The following GLYATL1 variants were observed in gnomAD, a reference collection of about 807,000 sequenced individuals.
GLYATL1 encodes the protein glycine-N-acyltransferase like 1.
In GLYATL1, 15 loss-of-function variants were observed where a neutral mutation model predicts 20.0. The ratio of observed to expected loss-of-function variants is 0.75; its 90% CI spans 0.50 to 1.15. The LOEUF (loss-of-function observed/expected upper bound fraction) is 1.15. GLYATL1 is among the 50% of genes most tolerant of loss of function. The pLI is 0.00. For missense variants in GLYATL1, 380 were observed against 368.5 expected (o/e 1.03, Z -0.26); for synonymous variants, 151 against 131.5 (o/e 1.15, Z -1.01).
intron 4 of GLYATL1, among the ~76,000 whole-genome samples, chr11:58,950,246 C>G (rs908866343): frequency 1.3e-5 from 2 of 151,454 alleles, no homozygotes; most frequent in African/African-American, 4.8e-5. Flanking sequence ...AGCTGAGATC[C>G]CGCCGCTGCA....
chr11:58,913,127 C>A (rs1855090577), downstream of GLYATL1, among the ~76,000 whole-genome samples: 1 of 151,808 alleles, frequency 6.6e-6, no homozygotes, highest in South Asian at 2.1e-4. Flanking sequence ...GGAGATGGGG[C>A]AGAGGGAGGG....
intron 1 of GLYATL1, among the ~76,000 whole-genome samples, chr11:58,919,672 G>A (rs1855261594): frequency 6.6e-6 from 1 of 152,162 alleles, no homozygotes; most frequent in Non-Finnish European, 1.5e-5. Context: ...ATAGCCTCCT[G>A]CCTGAAGCAG....
chr11:58,939,170 T>C (rs1855973263), upstream of GLYATL1, among the ~76,000 whole-genome samples: 1 of 152,200 alleles, frequency 6.6e-6, no homozygotes, highest in African/African-American at 2.4e-5. Context: ...GAATTGAAAC[T>C]CACCAGATGA....
intron 2 of GLYATL1, among the ~76,000 whole-genome samples, chr11:58,945,372 C>T (rs1260463647): frequency 6.6e-6 from 1 of 151,936 alleles, no homozygotes; most frequent in Non-Finnish European, 1.5e-5. Context: ...GAAGCTGAGG[C>T]CAGGGTGGGG....
intron 1 of GLYATL1, among the ~76,000 whole-genome samples, chr11:58,940,531 TAA>T (rs550576105): frequency 7.5e-4 from 115 of 152,330 alleles, no homozygotes; most frequent in Middle Eastern, 6.8e-3. Context: ...GGATTATAAA[TAA>T]AAGAGTGCTC....
rs767783070 is a variant in GLYATL1, at chr11:58,955,603, T to C, written c.492-7T>C. ...AAAGTTGTTGTCTTTCTTTTTGTTG[T>C]CTACAGTGAAACTCCCAACTTTAAG... On this transcript the variant is annotated splice_polypyrimidine_tract_variant and splice_region_variant and intron_variant, in intron 6 of 6. Transcript: ENST00000532726. The C allele has an allele frequency of 1.2e-6, 2 of 1,611,540 alleles. No homozygotes were observed. The highest frequency in any genetic ancestry group is 2.2e-5 in the South Asian group (2 of 90,980).
At chr11:58,925,412 G>A (rs188131726), upstream of GLYATL1, among the ~76,000 whole-genome samples, 7 of 152,244 alleles carry the variant, frequency 4.6e-5, no homozygotes, top group African/African-American at 1.4e-4. Flanking sequence ...TTTTTGACAT[G>A]CCTTAACTTT....
intron 2 of GLYATL1, 55 bp from the exon 3 acceptor site, chr11:58,946,991 C>T: frequency 7.8e-7 from 1 of 1,274,414 alleles, no homozygotes; most frequent in Non-Finnish European, 1.1e-6. Context: ...GTATAAAGTG[C>T]ATTTTAAATT....
downstream of GLYATL1, among the ~76,000 whole-genome samples, chr11:58,911,202 C>T (rs1009316546): frequency 4.6e-5 from 7 of 152,258 alleles, no homozygotes; most frequent in African/African-American, 1.7e-4. Flanking sequence ...GTGAATGTAT[C>T]AAAATCTGTT....
chr11:58,947,495 C>T (rs1370781150), intron 3 of GLYATL1: 3 of 457,374 alleles, frequency 6.6e-6, no homozygotes, highest in Non-Finnish European at 1.2e-5. Context: ...TTCCCTTTCT[C>T]TGACTTTACG....
chr11:58,956,002 A>T lies in GLYATL1; in HGVS notation c.884A>T (p.Tyr295Phe). 6.2e-7 allele frequency: 1 copy of T among 1,612,126 alleles called. No individual in the cohort carries two copies. Among genetic ancestry groups the T allele is most frequent in the Non-Finnish European group, 8.5e-7 (1 of 1,178,298 alleles). Reference sequence around the variant, plus strand: ...TGTGAGTGGCACCAATGGACTTGCTACCCACAGAATCTAGTTCCATTTTAG... The same window carrying T: ...TGTGAGTGGCACCAATGGACTTGCTTCCCACAGAATCTAGTTCCATTTTAG... The part of the protein sequence containing the change: ...ASCEWHQWTC[Y>F]PQNLVPF The change falls in exon 7 of 7, where the codon TAC becomes TTC. Residue 295 changes from tyrosine to phenylalanine, a missense_variant. Coordinates refer to ENST00000532726, the MANE Select transcript of GLYATL1 (RefSeq NM_001389712.2).
At chr11:58,915,632 C>T (rs980406980) in intron 1 of GLYATL1, among the ~76,000 whole-genome samples, 12 of 152,308 alleles carry the variant, frequency 7.9e-5, no homozygotes, top group South Asian at 2.1e-4. Context: ...GGTTAGGGCT[C>T]AGCAATCTGT....
chr11:58,907,504 A>G (rs1465192393), exon 2 of GLYATL1: 1 of 395,848 alleles, frequency 2.5e-6, no homozygotes, highest in African/African-American at 2.1e-5. Context: ...TTTTGTTTTC[A>G]GGCTAGGGGA....
At chr11:58,915,926 T>TAA (rs10674914) in intron 1 of GLYATL1, among the ~76,000 whole-genome samples, 72,624 of 151,764 alleles carry the variant, frequency 0.48, 17,426 homozygotes, top group East Asian at 0.58. Context: ...AAACGAAACT[T>TAA]GTTAAGTTGC....
upstream of GLYATL1, among the ~76,000 whole-genome samples, chr11:58,938,290 C>G (rs1327371752): frequency 6.6e-6 from 1 of 152,110 alleles, no homozygotes; most frequent in Non-Finnish European, 1.5e-5. Context: ...TGGGGCCATG[C>G]CTAAATGGTA....
chr11:58,930,099 TA>T (rs199765691), intron 1 of GLYATL1, among the ~76,000 whole-genome samples: 2,172 of 134,566 alleles, frequency 0.016, 46 homozygotes, highest in African/African-American at 0.051. Flanking sequence ...GATGCTGCTT[TA>T]AAAAAAAATT....
At chr11:58,942,129 A>G (rs1442792360) in intron 1 of GLYATL1, among the ~76,000 whole-genome samples, 1 of 152,212 alleles carries the variant, frequency 6.6e-6, no homozygotes, top group Non-Finnish European at 1.5e-5. Flanking sequence ...CCTACAGAGG[A>G]AATACAGAAA....
chr11:58,954,226 T>A (rs1037292121), intron 4 of GLYATL1, among the ~76,000 whole-genome samples: 1 of 152,172 alleles, frequency 6.6e-6, no homozygotes. Flanking sequence ...GAAATCACAG[T>A]TAAATTTATT....
intron 3 of GLYATL1, 135 bp downstream of exon 3, chr11:58,947,300 A>T: frequency 1.6e-6 from 2 of 1,218,134 alleles, no homozygotes; most frequent in South Asian, 3.2e-5. Flanking sequence ...CTGGGGGCAC[A>T]GGCTGCATAT....
Sources: gnomAD v4.1 joint callset for allele counts (sites outside exome capture counted in the v4.1 genomes callset) on GRCh38, gnomAD v4.1.1 for gene constraint, MANE v1.5 for transcripts, NCBI Gene and HGNC (gene_info 2026-07-23, HGNC 2026-07-21) for gene names.